The following CMYA5 variants were observed in gnomAD, a reference collection of about 807,000 sequenced individuals.
CMYA5 encodes the protein cardiomyopathy associated 5, also known as cardiomyopathy-associated protein 5.
CMYA5 carries 246 observed loss-of-function variants against 318.9 expected under a neutral mutation model. The ratio of observed to expected loss-of-function variants is 0.77; its 90% CI spans 0.70 to 0.86. The LOEUF is 0.86. Ranked by LOEUF, CMYA5 falls within the 40% of genes least tolerant of loss-of-function variation. CMYA5 has a pLI of 0.00. For missense variants in CMYA5, 4,589 were observed against 4,678.2 expected, an observed-to-expected ratio of 0.98 and a Z score of 0.56; for synonymous variants, 1,641 against 1,729.5, an observed-to-expected ratio of 0.95 and a Z score of 1.27.
In CMYA5 at chr5:79,732,100, A is replaced by G. The variant is rs201246764; in HGVS notation, c.3335A>G (p.Lys1112Arg). The change falls in exon 2 of 13, where the codon AAG becomes AGG. Residue 1112 changes from lysine to arginine, a missense_variant. Lys to Arg is a conservative substitution (Grantham distance 26). This residue lies in a region of CMYA5 where 2,132 missense variants were observed against 2,131.3 expected (regional missense o/e 1.00). Coordinates refer to ENST00000446378, the MANE Select transcript of CMYA5 (RefSeq NM_153610.5). Reference protein sequence around the residue: ...SVSEYLILAQKQKTQAYLEPE... With the variant: ...SVSEYLILAQRQKTQAYLEPE... Reference sequence around the variant, plus strand: ...TCTGAATATCTCATTTTGGCACAGAAGCAGAAAACTCAAGCATATTTAGAG... The same window carrying G: ...TCTGAATATCTCATTTTGGCACAGAGGCAGAAAACTCAAGCATATTTAGAG... 962 of 1,613,990 alleles carry G rather than the reference A, an allele frequency of 6.0e-4. No homozygotes were observed. The highest frequency in any genetic ancestry group is 7.7e-4 in the Non-Finnish European group (914 of 1,179,866).
intron 1 of CMYA5, among the ~76,000 whole-genome samples, chr5:79,724,791 A>G (rs1369728053): frequency 6.6e-6 from 1 of 152,218 alleles, no homozygotes; most frequent in Non-Finnish European, 1.5e-5. Flanking sequence ...GGCTTTACAC[A>G]TGCTAATACT....
At position 79,730,891 on chromosome 5, in the gene CMYA5, A is replaced by G; in HGVS notation, c.2126A>G (p.Glu709Gly). The G allele has an allele frequency of 1.9e-6, 3 of 1,613,980 alleles. No individual in the cohort carries two copies. The highest frequency in any genetic ancestry group is 2.5e-6 in the Non-Finnish European group (3 of 1,179,874). ...TCAGTTCCATCACTGGCAACAAAAGAGTCACTGAAGAAAACAATTGACCGT... is the reference window on the plus strand; with the variant it reads ...TCAGTTCCATCACTGGCAACAAAAGGGTCACTGAAGAAAACAATTGACCGT... ...EYSVPSLATK[E>G]SLKKTIDRKS... Residue 709 changes from glutamate (E) to glycine (G), a missense_variant, in exon 2 of 13, where the codon GAG becomes GGG. Coordinates refer to ENST00000446378, the MANE Select transcript of CMYA5 (RefSeq NM_153610.5).
At chr5:79,726,431 G>GA (rs1456899112) in intron 1 of CMYA5, among the ~76,000 whole-genome samples, 2 of 152,124 alleles carry the variant, frequency 1.3e-5, no homozygotes, top group Non-Finnish European at 2.9e-5. Flanking sequence ...AAAAGAGCCT[G>GA]AAAAAACAGT....
chr5:79,750,033 C>T (rs757794824), intron 5 of CMYA5, among the ~76,000 whole-genome samples: 36 of 149,984 alleles, frequency 2.4e-4, no homozygotes, highest in African/African-American at 8.6e-4. Flanking sequence ...TTACCATATT[C>T]GGTGTGATAC....
chr5:79,791,993 GC>G (rs1306468932), intron 11 of CMYA5, among the ~76,000 whole-genome samples: 13 of 151,584 alleles, frequency 8.6e-5, no homozygotes, highest in Non-Finnish European at 1.5e-4. Flanking sequence ...GTGCTGCTGT[GC>G]CCTGGTGTCG....
rs1827969232 is a variant in CMYA5, at chr5:79,733,490, T to C, written c.4725T>C (p.Asn1575=). ...ETASSSPELE[N]LASGLAPTLL... ...CAAGTTCATCTCCTGAGTTGGAAAA[T>C]TTAGCATCAGGTTTAGCCCCAACAT... The change falls in exon 2 of 13, where the codon AAT becomes AAC. Residue 1575 remains asparagine, a synonymous_variant. Coordinates refer to ENST00000446378, the MANE Select transcript of CMYA5 (RefSeq NM_153610.5). 6.2e-7 allele frequency: 1 copy of C among 1,613,800 alleles called. No individual in the cohort carries two copies. Among genetic ancestry groups the C allele is most frequent in the Admixed American group, 1.7e-5 (1 of 60,000 alleles).
intron 1 of CMYA5, among the ~76,000 whole-genome samples, chr5:79,697,671 C>T (rs1218235223): frequency 6.6e-6 from 1 of 152,202 alleles, no homozygotes; most frequent in East Asian, 1.9e-4. Flanking sequence ...CTCCAGTCTA[C>T]TGGCAGGGCC....
In CMYA5 at chr5:79,733,835, A is replaced by T; in HGVS notation, c.5070A>T (p.Ala1690=). The T allele has an allele frequency of 6.2e-7, 1 of 1,613,698 alleles. No homozygotes were observed. The highest frequency in any genetic ancestry group is 1.1e-5 in the South Asian group (1 of 91,066). Residue 1690 remains alanine (A), a synonymous_variant, in exon 2 of 13, where the codon GCA becomes GCT. Coordinates refer to ENST00000446378, the MANE Select transcript of CMYA5 (RefSeq NM_153610.5). ...EGKEENRELC[A]SSTMPAISEL... is the part of the protein sequence containing the mutation. ...AAGAAGAAAATAGAGAGCTTTGTGC[A>T]TCTTCTACGATGCCTGCAATTTCAG...
Position 79,737,492 on chromosome 5 carries a change from T to C in CMYA5, c.8727T>C (p.Ser2909=). The change falls in exon 2 of 13, where the codon TCT becomes TCC. Residue 2909 remains serine, a synonymous_variant. Transcript: ENST00000446378. ...TSASNADKMV[S]NKEMPKEPED... ...CAAGCAATGCTGATAAAATGGTTTC[T>C]AATAAAGAAATGCCCAAGGAACCTG... 6.2e-7 allele frequency: 1 copy of C among 1,613,604 alleles called. No individual in the cohort carries two copies. The highest frequency in any genetic ancestry group is 1.1e-5 in the South Asian group (1 of 90,994).
chr5:79,736,207 C>G lies in CMYA5; in HGVS notation c.7442C>G (p.Ala2481Gly). The G allele has an allele frequency of 6.2e-7, 1 of 1,613,430 alleles. No homozygotes were observed. The highest frequency in any genetic ancestry group is 1.1e-5 in the South Asian group (1 of 91,060). The change falls in exon 2 of 13, where the codon GCC becomes GGC. Residue 2481 changes from alanine (A) to glycine (G), a missense_variant. Around this residue, in one of 3 missense-constraint regions of CMYA5, gnomAD observed 2,431 missense variants for 2,495.1 expected, o/e 0.97. Transcript: ENST00000446378. ...CTGGCAGAAAAACAAAACTCTGTGG[C>G]CCCATTAGAGCTTAGAGATAGTAAT... is the stretch of plus-strand genomic sequence containing the variant. ...KVLAEKQNSV[A>G]PLELRDSNEI...
At chr5:79,722,374 A>G (rs555578201) in intron 1 of CMYA5, among the ~76,000 whole-genome samples, 3 of 152,286 alleles carry the variant, frequency 2.0e-5, no homozygotes, top group Middle Eastern at 3.4e-3. Context: ...TTTGAAAATT[A>G]ATGACATAAG....
At chr5:79,745,498 C>A in intron 4 of CMYA5, 43 bp downstream of exon 4, 1 of 1,201,412 alleles carries the variant, frequency 8.3e-7, no homozygotes, top group Non-Finnish European at 1.2e-6. Flanking sequence ...TGCGCCCACT[C>A]TGGCACATCT....
At chr5:79,761,744 C>G in intron 7 of CMYA5, 67 bp from the exon 8 acceptor site, 1 of 1,490,172 alleles carries the variant, frequency 6.7e-7, no homozygotes, top group South Asian at 1.3e-5. Context: ...AGATGACTTT[C>G]TCCAGTAACT....
Sources: gnomAD v4.1 joint callset for allele counts (sites outside exome capture counted in the v4.1 genomes callset) on GRCh38, gnomAD v4.1.1 for gene constraint, gnomAD v4.1.1 regional missense constraint, MANE v1.5 for transcripts, NCBI Gene and HGNC (gene_info 2026-07-23, HGNC 2026-07-21) for gene names.